MEIKIN: variants seen among roughly 807,000 people sequenced by gnomAD.
MEIKIN encodes meiotic kinetochore factor.
chr5:131,843,197 C>G (rs1036407453), intron 11 of MEIKIN, among the ~76,000 whole-genome samples: 3 of 152,246 alleles, frequency 2.0e-5, no homozygotes, highest in Non-Finnish European at 4.4e-5. Context: ...AACCATTTTT[C>G]CCTCCCAGGC....
rs1038257275 is a variant in MEIKIN, at chr5:131,850,977, C to T, written c.975+287G>A. Among the ~76,000 whole-genome samples, 10 of 151,858 alleles carry T rather than the reference C, an allele frequency of 6.6e-5. No homozygotes were observed. In the South Asian group the frequency reaches 2.1e-3, roughly 32 times the overall value. ...AAAGAAAGAAAAGAAAAGAAAAAGG[C>T]AAAAAGCTTTAGACATTTGATTTGG... On this transcript the variant is annotated intron_variant, in intron 11 of 12. Transcript: ENST00000442687.
At chr5:131,811,869 C>T (rs1193388701) in intron 12 of MEIKIN, among the ~76,000 whole-genome samples, 2 of 152,240 alleles carry the variant, frequency 1.3e-5, no homozygotes, top group East Asian at 1.9e-4. Flanking sequence ...GCTCGGATTA[C>T]AGGCCTAAGC....
intron 8 of MEIKIN, among the ~76,000 whole-genome samples, chr5:131,887,014 G>A (rs1370006524): frequency 2.2e-5 from 3 of 138,052 alleles, no homozygotes; most frequent in Non-Finnish European, 4.5e-5. Flanking sequence ...CCCAGTGTGT[G>A]ATTTCCTCGC....
chr5:131,814,940 G>C (rs1364394649), intron 12 of MEIKIN, among the ~76,000 whole-genome samples: 1 of 152,190 alleles, frequency 6.6e-6, no homozygotes, highest in African/African-American at 2.4e-5. Context: ...CTGACTCCAA[G>C]TATGGCACTA....
At chr5:131,874,455 G>A (rs1392196839) in intron 9 of MEIKIN, among the ~76,000 whole-genome samples, 1 of 152,220 alleles carries the variant, frequency 6.6e-6, no homozygotes, top group Non-Finnish European at 1.5e-5. Context: ...GGAAGAAGTT[G>A]AATCTCTGAA....
At chr5:131,860,134 G>A (rs139293849) in intron 9 of MEIKIN, among the ~76,000 whole-genome samples, 1 of 152,116 alleles carries the variant, frequency 6.6e-6, no homozygotes, top group African/African-American at 2.4e-5. Flanking sequence ...TCTATAGATT[G>A]CTTTAGGTAG....
At chr5:131,811,035 G>A (rs1219936681) in intron 12 of MEIKIN, among the ~76,000 whole-genome samples, 2 of 152,160 alleles carry the variant, frequency 1.3e-5, no homozygotes, top group African/African-American at 2.4e-5. Flanking sequence ...AGAGAGAAGT[G>A]GCCAGAGGTT....
rs953549947 is a variant in MEIKIN, at chr5:131,895,510, T to A, written c.703+16305A>T. ...CTGGTAGAATTCAACTGGGAATCAG[T>A]CTGGTCCTGGACTTTTTTTGGTTGG... On this transcript the variant is annotated intron_variant, in intron 8 of 12. Coordinates refer to ENST00000442687, the MANE Select transcript of MEIKIN (RefSeq NM_001303622.2). Among the ~76,000 whole-genome samples the A allele has an allele frequency of 2.0e-5, 3 of 152,324 alleles. No homozygotes were observed. The East Asian group carries it at 5.8e-4, about 29-fold the overall frequency.
chr5:131,883,675 C>G (rs912356677), intron 8 of MEIKIN, among the ~76,000 whole-genome samples: 1 of 152,290 alleles, frequency 6.6e-6, no homozygotes, highest in Non-Finnish European at 1.5e-5. Context: ...TATCTACATA[C>G]AAAAAGCACC....
chr5:131,933,518 T>A lies in MEIKIN; in HGVS notation c.473A>T (p.Tyr158Phe), dbSNP rs1751722125. The A allele has an allele frequency of 2.5e-6, 1 of 398,646 alleles. No individual in the cohort carries two copies. Among genetic ancestry groups the A allele is most frequent in the Non-Finnish European group, 4.4e-6 (1 of 225,896 alleles). 24.7% of individuals were successfully genotyped at this position (398,646 alleles called of 1,614,324 possible). Residue 158 changes from tyrosine to phenylalanine, a missense_variant, in exon 5 of 13, where the codon TAT (tyrosine) becomes TTT (phenylalanine). Tyr to Phe is a conservative substitution (Grantham distance 22, BLOSUM62 3). Coordinates refer to ENST00000442687, the MANE Select transcript of MEIKIN (RefSeq NM_001303622.2). ...PSPELFRKSD[Y>F]LDWECPNLEE... ...GGTTGGAATTACTTTCTCACCTAAA[T>A]AATCTGATTTTCTGAACAGTTCAGG...
chr5:131,917,054 C>T, intron 6 of MEIKIN, 129 bp from the exon 7 acceptor site: 1 of 373,584 alleles, frequency 2.7e-6, no homozygotes, highest in East Asian at 3.8e-5. Flanking sequence ...ATGTCTGCCA[C>T]TTAAATTAGG....
rs531528618 is a variant in MEIKIN, at chr5:131,868,006, T to C, written c.774+10972A>G. On this transcript the variant is annotated intron_variant, in intron 9 of 12. Transcript: ENST00000442687. ...CAGCAGCAAAGAATGAGATTTCCTATTGCTTCACATCCTCCAGCATTTGGT... is the reference window on the plus strand; with the variant it reads ...CAGCAGCAAAGAATGAGATTTCCTACTGCTTCACATCCTCCAGCATTTGGT... Among the ~76,000 whole-genome samples the C allele has an allele frequency of 1.1e-4, 16 of 152,350 alleles. No homozygotes were observed. The South Asian group carries it at 1.7e-3, about 16-fold the overall frequency.
At chr5:131,820,074 C>CTTT (rs138803335) in intron 11 of MEIKIN, among the ~76,000 whole-genome samples, 18 of 112,838 alleles carry the variant, frequency 1.6e-4, no homozygotes, top group African/African-American at 5.8e-4. Flanking sequence ...CGCGCCCGGC[C>CTTT]TTTTTTTTTT....
At chr5:131,866,529 G>A (rs1004526435) in intron 9 of MEIKIN, among the ~76,000 whole-genome samples, 14 of 152,170 alleles carry the variant, frequency 9.2e-5, no homozygotes, top group Admixed American at 3.9e-4. Flanking sequence ...TGCTTCCCCC[G>A]GGAACAGCCA....
chr5:131,912,003 A>C, intron 7 of MEIKIN, 124 bp from the exon 8 acceptor site: 1 of 383,764 alleles, frequency 2.6e-6, no homozygotes, highest in East Asian at 3.7e-5. Context: ...GAAAATATAC[A>C]GTTGCTTAGA....
At chr5:131,893,418 C>T (rs1229512044) in intron 8 of MEIKIN, among the ~76,000 whole-genome samples, 1 of 152,210 alleles carries the variant, frequency 6.6e-6, no homozygotes, top group Non-Finnish European at 1.5e-5. Context: ...TCCTGGTGTG[C>T]CATTTGTGAA....
intron 8 of MEIKIN, 53 bp downstream of exon 8, chr5:131,911,762 T>C (rs1201595165): frequency 5.1e-6 from 2 of 395,508 alleles, no homozygotes; most frequent in Non-Finnish European, 8.9e-6. Context: ...AATCGTGTTT[T>C]AACATAAATA....
chr5:131,941,878 C>T (rs1036802339), intron 4 of MEIKIN, among the ~76,000 whole-genome samples: 3 of 152,286 alleles, frequency 2.0e-5, no homozygotes, highest in South Asian at 4.1e-4. Context: ...CCATCTCCTT[C>T]ACTCTTCATT....
chr5:131,883,993 C>T (rs911992380), intron 8 of MEIKIN, among the ~76,000 whole-genome samples: 2 of 152,172 alleles, frequency 1.3e-5, no homozygotes, highest in African/African-American at 2.4e-5. Context: ...AAAGGGAAAT[C>T]GCCCATTCCA....
Sources: gnomAD v4.1 joint callset for allele counts (sites outside exome capture counted in the v4.1 genomes callset) on GRCh38, gnomAD v4.1.1 for gene constraint, MANE v1.5 for transcripts, NCBI Gene and HGNC (gene_info 2026-07-23, HGNC 2026-07-21) for gene names.